Variants in ACTR3B observed in about 807,000 individuals in gnomAD.
ACTR3B encodes the protein actin related protein 3B.
In ACTR3B, 8 loss-of-function variants were observed where a neutral mutation model predicts 59.0. The ratio of observed to expected loss-of-function variants is 0.14; its 90% confidence interval spans 0.08 to 0.24. The LOEUF (loss-of-function observed/expected upper bound fraction) is 0.24, where lower values mean the gene tolerates loss of function less well. Among genes scored for constraint, ACTR3B ranks in the 10% least tolerant of loss-of-function variants. ACTR3B has a pLI of 1.00. For synonymous variants in ACTR3B, 148 were observed against 197.9 expected (o/e 0.75, Z 2.12); for missense variants, 245 against 552.3 (o/e 0.44, Z 5.58).
chr7:152,810,268 A>G (rs903872082), intron 4 of ACTR3B, among the ~76,000 whole-genome samples: 6 of 151,964 alleles, frequency 3.9e-5, no homozygotes, highest in Non-Finnish European at 8.8e-5. Flanking sequence ...CACCACGCCC[A>G]GCTAATTTTT....
At chr7:152,796,134 C>T (rs1277009278) in intron 2 of ACTR3B, among the ~76,000 whole-genome samples, 4 of 152,118 alleles carry the variant, frequency 2.6e-5, no homozygotes, top group African/African-American at 4.8e-5. Context: ...CGTGAGCCAC[C>T]GCGCCCGGCC....
chr7:152,831,258 T>A (rs1797002713), intron 9 of ACTR3B, among the ~76,000 whole-genome samples: 1 of 152,236 alleles, frequency 6.6e-6, no homozygotes, highest in African/African-American at 2.4e-5. Flanking sequence ...GGTGGAGATG[T>A]GGATGGCGGA....
chr7:152,848,872 C>CT (rs780121811), intron 9 of ACTR3B, among the ~76,000 whole-genome samples: 48 of 152,182 alleles, frequency 3.2e-4, no homozygotes, highest in Admixed American at 5.9e-4. Context: ...TCCCTAGACT[C>CT]TGACAGGAGC....
At chr7:152,778,848 T>C (rs1225673884) in intron 1 of ACTR3B, among the ~76,000 whole-genome samples, 2 of 144,670 alleles carry the variant, frequency 1.4e-5, no homozygotes, top group African/African-American at 5.1e-5. Flanking sequence ...GAGGCTGAAG[T>C]GGGAGGATCA....
At chr7:152,772,360 C>T (rs1189092516) in intron 1 of ACTR3B, among the ~76,000 whole-genome samples, 2 of 149,502 alleles carry the variant, frequency 1.3e-5, no homozygotes, top group Non-Finnish European at 3.0e-5. Flanking sequence ...CTCTGTCCCC[C>T]TGCCCCCTAA....
rs534912084 is a variant in ACTR3B, at chr7:152,792,709, C to G, written c.101-7822C>G. Among the ~76,000 whole-genome samples, 425 of 152,208 alleles carry G rather than the reference C, an allele frequency of 2.8e-3. 3 individuals carry two copies. The highest frequency in any genetic ancestry group is 9.8e-3 in the African/African-American group (406 of 41,538). On this transcript the variant is annotated intron_variant, in intron 2 of 11. Transcript: ENST00000256001. The stretch of plus-strand genomic sequence containing the variant: ...GTTGCAGTGAGCTGAGATTGCGCCA[C>G]TGCACTCCAGCCTGGGTGACAGAGC...
intron 9 of ACTR3B, among the ~76,000 whole-genome samples, chr7:152,829,766 G>A (rs1017860285): frequency 2.0e-5 from 3 of 152,164 alleles, no homozygotes; most frequent in Admixed American, 6.5e-5. Context: ...CTTGAGGACC[G>A]CCATCAGCGC....
intron 4 of ACTR3B, among the ~76,000 whole-genome samples, chr7:152,801,949 CTGT>C (rs1480212548): frequency 4.0e-5 from 6 of 151,670 alleles, no homozygotes; most frequent in East Asian, 1.9e-4. Flanking sequence ...AGCTCTAGGG[CTGT>C]TGTTTTAGCA....
intron 9 of ACTR3B, among the ~76,000 whole-genome samples, chr7:152,835,956 G>T (rs2530944): frequency 0.79 from 112,912 of 143,566 alleles, 44,341 homozygotes; most frequent in East Asian, 0.87. Context: ...GTGAACGAGA[G>T]GCACGGCAGG....
intron 2 of ACTR3B, among the ~76,000 whole-genome samples, chr7:152,786,772 A>G (rs6946046): frequency 0.81 from 123,047 of 152,064 alleles, 50,105 homozygotes; most frequent in African/African-American, 0.89. Context: ...ATTTTTATCC[A>G]TATATTACAT....
At chr7:152,774,025 T>G (rs571932571) in intron 1 of ACTR3B, among the ~76,000 whole-genome samples, 2 of 152,322 alleles carry the variant, frequency 1.3e-5, no homozygotes, top group African/African-American at 4.8e-5. Context: ...CTGTCTTTCT[T>G]ATATCTCTAA....
chr7:152,853,608 C>G (rs139123863), intron 11 of ACTR3B, 31 bp downstream of exon 11: 4 of 1,587,460 alleles, frequency 2.5e-6, no homozygotes, highest in Non-Finnish European at 2.6e-6. Context: ...CTCTGTGTCT[C>G]CATTCCTGTG....
chr7:152,808,719 C>G (rs962363353), intron 4 of ACTR3B, among the ~76,000 whole-genome samples: 10 of 152,150 alleles, frequency 6.6e-5, no homozygotes, highest in African/African-American at 2.4e-4. Flanking sequence ...TGCTTGGGTT[C>G]CTATTCAAGA....
intron 2 of ACTR3B, among the ~76,000 whole-genome samples, chr7:152,799,188 C>T (rs1366462643): frequency 6.6e-6 from 1 of 152,046 alleles, no homozygotes; most frequent in Non-Finnish European, 1.5e-5. Context: ...CAGTGAGAAG[C>T]CATTAGTATA....
chr7:152,828,428 G>A (rs1796752730), intron 9 of ACTR3B, among the ~76,000 whole-genome samples: 2 of 152,192 alleles, frequency 1.3e-5, no homozygotes, highest in African/African-American at 4.8e-5. Context: ...AAGCTGCACT[G>A]ACGAGGTTCG....
intron 1 of ACTR3B, among the ~76,000 whole-genome samples, chr7:152,766,151 A>G (rs1002592536): frequency 6.6e-6 from 1 of 152,164 alleles, no homozygotes; most frequent in Non-Finnish European, 1.5e-5. Context: ...TACGGTGAAA[A>G]TGTACAAAGC....
chr7:152,793,764 A>G (rs1344391911), intron 2 of ACTR3B, among the ~76,000 whole-genome samples: 1 of 151,636 alleles, frequency 6.6e-6, no homozygotes, highest in Non-Finnish European at 1.5e-5. Context: ...GGAAACCTAG[A>G]TACTTTGGGT....
At chr7:152,830,747 T>TG (rs1796958845) in intron 9 of ACTR3B, among the ~76,000 whole-genome samples, 1 of 152,062 alleles carries the variant, frequency 6.6e-6, no homozygotes, top group South Asian at 2.1e-4. Flanking sequence ...GTTGAGGTCT[T>TG]GCTCTGTTGC....
chr7:152,784,501 C>T (rs1191190814), intron 2 of ACTR3B, among the ~76,000 whole-genome samples: 4 of 152,108 alleles, frequency 2.6e-5, no homozygotes, highest in African/African-American at 7.2e-5. Flanking sequence ...TAGATCTAAA[C>T]GCTCTGCTGC....
Sources: allele counts gnomAD v4.1 joint callset (sites outside exome capture counted in the v4.1 genomes callset), GRCh38; gene constraint gnomAD v4.1.1; transcripts MANE v1.5; gene names NCBI Gene and HGNC (gene_info 2026-07-23, HGNC 2026-07-21).